KCNK10: variants seen among roughly 807,000 people sequenced by gnomAD.
KCNK10 encodes potassium channel subfamily K member 10.
KCNK10 carries 25 observed loss-of-function variants against 47.7 expected under a neutral mutation model. The ratio of observed to expected loss-of-function variants is 0.52; its 90% CI spans 0.38 to 0.73. KCNK10 has a LOEUF of 0.73. Among genes scored for constraint, KCNK10 ranks in the 30% least tolerant of loss-of-function variants. KCNK10 has a pLI of 0.00. For synonymous variants in KCNK10, 303 were observed against 285.6 expected, an observed-to-expected ratio of 1.06 and a Z score of -0.61; for missense variants, 563 against 714.5, an observed-to-expected ratio of 0.79 and a Z score of 2.42.
At chr14:88,313,905 C>T (rs1473215222) in intron 1 of KCNK10, among the ~76,000 whole-genome samples, 1 of 152,192 alleles carries the variant, frequency 6.6e-6, no homozygotes, top group Non-Finnish European at 1.5e-5. Flanking sequence ...ACCATGACAC[C>T]ACTTTTCTTC....
chr14:88,311,620 G>A (rs1446608378), intron 1 of KCNK10, among the ~76,000 whole-genome samples: 1 of 152,208 alleles, frequency 6.6e-6, no homozygotes, highest in Admixed American at 6.5e-5. Flanking sequence ...ATGCCCAGCT[G>A]TAAATAAGTC....
chr14:88,325,430 G>T (rs1286054798), upstream of KCNK10, among the ~76,000 whole-genome samples: 5 of 152,136 alleles, frequency 3.3e-5, no homozygotes, highest in Admixed American at 6.5e-5. Flanking sequence ...ATTCATCTTT[G>T]TTAGATCATT....
intron 1 of KCNK10, among the ~76,000 whole-genome samples, chr14:88,267,690 A>C (rs1887299601): frequency 6.6e-6 from 1 of 152,124 alleles, no homozygotes; most frequent in Non-Finnish European, 1.5e-5. Flanking sequence ...TAAATTTTTA[A>C]ATGGCATTTT....
chr14:88,311,416 C>T (rs992939548), intron 1 of KCNK10, among the ~76,000 whole-genome samples: 3 of 152,112 alleles, frequency 2.0e-5, no homozygotes, highest in Non-Finnish European at 2.9e-5. Context: ...CACCCTCATG[C>T]GCCATGCCAC....
chr14:88,243,547 A>G (rs1886539713), intron 2 of KCNK10, among the ~76,000 whole-genome samples: 1 of 152,222 alleles, frequency 6.6e-6, no homozygotes, highest in South Asian at 2.1e-4. Flanking sequence ...TTTAGGCAGA[A>G]GAGACCTCAC....
At chr14:88,237,556 A>G (rs893874362) in intron 3 of KCNK10, among the ~76,000 whole-genome samples, 1 of 152,218 alleles carries the variant, frequency 6.6e-6, no homozygotes, top group Non-Finnish European at 1.5e-5. Flanking sequence ...TAAGAGTTCA[A>G]AGTCAAAATT....
intron 5 of KCNK10, among the ~76,000 whole-genome samples, chr14:88,191,700 A>G (rs1884753947): frequency 6.6e-6 from 1 of 152,166 alleles, no homozygotes; most frequent in Non-Finnish European, 1.5e-5. Flanking sequence ...ATGAGCTTAT[A>G]TTCCCTCTGG....
At position 88,220,208 on chromosome 14, in the gene KCNK10, A is replaced by G. The variant is rs891352156; in HGVS notation, c.681+7167T>C. ...CGAGGCGGGCGGATCACGAGGTCAG[A>G]AGATCGAGACCATCCCGGCTAAAAC... On this transcript the variant is annotated intron_variant, in intron 4 of 6. Coordinates refer to ENST00000319231, the MANE Select transcript of KCNK10 (RefSeq NM_138317.3). 2.8e-4 allele frequency among the ~76,000 whole-genome samples: 42 copies of G among 151,736 alleles called. 1 individual carries two copies. The highest frequency in any genetic ancestry group is 9.9e-4 in the African/African-American group (41 of 41,370).
Position 88,291,309 on chromosome 14 carries a change from T to C in KCNK10, c.53-27758A>G, listed in dbSNP as rs139868034. ...TGACAGCTTTCATTCAAAGAGAGGG[T>C]TTCTCTGTTACAAGGCAATGTTAAG... On this transcript the variant is annotated intron_variant, in intron 1 of 6. Coordinates refer to ENST00000319231, the MANE Select transcript of KCNK10 (RefSeq NM_138317.3). Among the ~76,000 whole-genome samples, 1,273 of 152,082 alleles carry C rather than the reference T, an allele frequency of 8.4e-3. 15 individuals carry two copies. The highest frequency in any genetic ancestry group is 0.029 in the African/African-American group (1,210 of 41,466).
Position 88,185,362 on chromosome 14 carries a change from A to C in KCNK10, c.*173T>G. ...TCTGAAATGAAGTTCTTGTTCTCTG[A>C]TTCCTTTTGGCAGAGCAAGCTTTCA... On this transcript the variant is annotated 3_prime_UTR_variant, in exon 7 of 7. Transcript: ENST00000319231. The surrounding 1 kb of genome is among the most constrained non-coding windows in gnomAD (Gnocchi z 4.3). 1.1e-6 allele frequency: 1 copy of C among 923,190 alleles called. No homozygotes were observed. Among genetic ancestry groups the C allele is most frequent in the Non-Finnish European group, 1.6e-6 (1 of 634,774 alleles). The allele number at this position is 923,190 out of a possible 1,614,324, so 57.2% of individuals were successfully genotyped here.
chr14:88,187,625 A>ACAC (rs1555359137), intron 6 of KCNK10, among the ~76,000 whole-genome samples: 3,547 of 74,224 alleles, frequency 0.048, 136 homozygotes, highest in African/African-American at 0.11. Context: ...GACAGGCTGC[A>ACAC]CCCCCCCACA....
At chr14:88,324,193 G>A (rs2139811485), upstream of KCNK10, among the ~76,000 whole-genome samples, 1 of 152,368 alleles carries the variant, frequency 6.6e-6, no homozygotes, top group East Asian at 1.9e-4. Context: ...ACCCAGACCT[G>A]TTCCCGGAAA....
chr14:88,192,073 G>C, intron 5 of KCNK10, 151 bp downstream of exon 5: 1 of 687,548 alleles, frequency 1.5e-6, no homozygotes, highest in South Asian at 2.2e-5. Flanking sequence ...ATAGGACTAG[G>C]GATTTGAAAT....
At chr14:88,254,734 G>C (rs1406582079) in intron 2 of KCNK10, among the ~76,000 whole-genome samples, 2 of 152,170 alleles carry the variant, frequency 1.3e-5, no homozygotes, top group Non-Finnish European at 2.9e-5. Flanking sequence ...AAAGATAAAG[G>C]CTTTCTTGGG....
intron 1 of KCNK10, among the ~76,000 whole-genome samples, chr14:88,317,516 T>C (rs908792009): frequency 2.6e-5 from 4 of 152,162 alleles, no homozygotes; most frequent in Non-Finnish European, 4.4e-5. Flanking sequence ...AGAGAAACCT[T>C]TGAACACACT....
In KCNK10 at chr14:88,287,797, G is replaced by C. The variant is rs148790155; in HGVS notation, c.53-24246C>G. 4.0e-3 allele frequency among the ~76,000 whole-genome samples: 613 copies of C among 152,000 alleles called. 6 individuals carry two copies. Among genetic ancestry groups the C allele is most frequent in the African/African-American group, 0.014 (596 of 41,436 alleles). ...TTCCATATTTTTGCAATTGTGAATTGTGTTGCTAGAAACATGCATGTATGA... is the reference window on the plus strand; with the variant it reads ...TTCCATATTTTTGCAATTGTGAATTCTGTTGCTAGAAACATGCATGTATGA... On this transcript the variant is annotated intron_variant, in intron 1 of 6. Coordinates refer to ENST00000319231, the MANE Select transcript of KCNK10 (RefSeq NM_138317.3).
intron 4 of KCNK10, among the ~76,000 whole-genome samples, chr14:88,221,836 T>C (rs934199807): frequency 6.6e-6 from 1 of 152,120 alleles, no homozygotes; most frequent in African/African-American, 2.4e-5. Flanking sequence ...ACATAAACTA[T>C]GGTACACCCA....
intron 2 of KCNK10, among the ~76,000 whole-genome samples, chr14:88,252,125 G>C (rs1886816313): frequency 6.6e-6 from 1 of 151,900 alleles, no homozygotes; most frequent in South Asian, 2.1e-4. Flanking sequence ...ATGTTGCCCA[G>C]GCTGGTCTCA....
chr14:88,246,099 A>G (rs1886630651), intron 2 of KCNK10, among the ~76,000 whole-genome samples: 1 of 151,912 alleles, frequency 6.6e-6, no homozygotes, highest in African/African-American at 2.4e-5. Flanking sequence ...TTTAGTAGAG[A>G]CGGGGTTTCA....
Sources: allele counts gnomAD v4.1 joint callset (sites outside exome capture counted in the v4.1 genomes callset), GRCh38; gene constraint gnomAD v4.1.1; non-coding constraint Gnocchi (gnomAD v3.1); transcripts MANE v1.5; gene names NCBI Gene and HGNC (gene_info 2026-07-23, HGNC 2026-07-21).